The following HECW1 variants were observed in gnomAD, a reference collection of about 807,000 sequenced individuals.
HECW1 encodes HECT, C2 and WW domain containing E3 ubiquitin protein ligase 1, also known as E3 ubiquitin-protein ligase HECW1.
Under a neutral mutation model 182.3 loss-of-function variants are expected in HECW1, and 61 were observed. The observed-to-expected ratio is 0.33, with a 90% CI of 0.27 to 0.41. The LOEUF (loss-of-function observed/expected upper bound fraction) is 0.41. Ranked by LOEUF, HECW1 falls within the 10% of genes least tolerant of loss-of-function variation. The pLI is 1.00. For missense variants in HECW1, 1,739 were observed against 2,108.9 expected, an observed-to-expected ratio of 0.82 and a Z score of 3.44; for synonymous variants, 859 against 832.6, an observed-to-expected ratio of 1.03 and a Z score of -0.55.
At chr7:43,536,087 C>T in intron 24 of HECW1, among the ~76,000 whole-genome samples, 1 of 152,166 alleles carries the variant, frequency 6.6e-6, no homozygotes, top group East Asian at 1.9e-4. Context: ...ACAGAGCATG[C>T]TTTCCACACC....
At chr7:43,389,115 G>A (rs1032313602) in intron 6 of HECW1, among the ~76,000 whole-genome samples, 4 of 152,202 alleles carry the variant, frequency 2.6e-5, no homozygotes, top group African/African-American at 4.8e-5. Context: ...TAATTCTCAC[G>A]CAAGTCAGGG....
intron 5 of HECW1, among the ~76,000 whole-genome samples, chr7:43,355,219 A>G (rs1814970526): frequency 6.6e-6 from 1 of 152,196 alleles, no homozygotes; most frequent in South Asian, 2.1e-4. Flanking sequence ...ACTAGTGAGT[A>G]AAAAGGAAAC....
At chr7:43,415,798 C>A (rs2075972683) in intron 8 of HECW1, among the ~76,000 whole-genome samples, 1 of 143,194 alleles carries the variant, frequency 7.0e-6, no homozygotes, top group Admixed American at 7.1e-5. Flanking sequence ...ATCGCTGATA[C>A]CCTTTCTTCC....
At chr7:43,266,680 A>G (rs1260223466) in intron 3 of HECW1, among the ~76,000 whole-genome samples, 1 of 152,200 alleles carries the variant, frequency 6.6e-6, no homozygotes. Flanking sequence ...AGGAACAAAT[A>G]AAGACCAAAT....
chr7:43,433,717 G>C (rs935997382), intron 8 of HECW1, among the ~76,000 whole-genome samples: 2 of 152,192 alleles, frequency 1.3e-5, no homozygotes, highest in African/African-American at 4.8e-5. Context: ...AGACTCTGAT[G>C]CTCTGATGAA....
At chr7:43,284,214 T>G (rs2152749873) in intron 3 of HECW1, among the ~76,000 whole-genome samples, 1 of 152,224 alleles carries the variant, frequency 6.6e-6, no homozygotes, top group Non-Finnish European at 1.5e-5. Flanking sequence ...TAATTTTCTT[T>G]TTTAAACATT....
intron 3 of HECW1, among the ~76,000 whole-genome samples, chr7:43,299,674 C>T (rs995647131): frequency 2.0e-5 from 3 of 152,274 alleles, no homozygotes; most frequent in East Asian, 3.9e-4. Context: ...CAGTAAGTGT[C>T]GCCTGAGACG....
intron 2 of HECW1, among the ~76,000 whole-genome samples, chr7:43,229,782 T>A (rs970058581): frequency 6.6e-6 from 1 of 152,220 alleles, no homozygotes; most frequent in East Asian, 1.9e-4. Context: ...AAGATACTCA[T>A]TATTTACAAA....
intron 17 of HECW1, among the ~76,000 whole-genome samples, chr7:43,480,019 CAGGAG>C (rs982474132): frequency 6.6e-6 from 1 of 152,188 alleles, no homozygotes; most frequent in African/African-American, 2.4e-5. Flanking sequence ...AATGCACTGT[CAGGAG>C]ATCCCTACAC....
chr7:43,300,367 A>G (rs1233787814), intron 3 of HECW1, among the ~76,000 whole-genome samples: 1 of 152,142 alleles, frequency 6.6e-6, no homozygotes. Context: ...AGAGCACAAG[A>G]GTGGGCAGAG....
chr7:43,446,101 A>G lies in HECW1; in HGVS notation c.2398+531A>G, dbSNP rs1406190764. ...ACATATAGATATGTCTAGCCTACAT[A>G]TATTTGTCATTATTTATGTCCACTC... is the stretch of plus-strand genomic sequence containing the variant. On this transcript the variant is annotated intron_variant, in intron 11 of 29. Coordinates refer to ENST00000395891, the MANE Select transcript of HECW1 (RefSeq NM_015052.5). 2.0e-5 allele frequency among the ~76,000 whole-genome samples: 3 copies of G among 152,154 alleles called. No homozygotes were observed. In the East Asian group the frequency reaches 5.8e-4, roughly 29 times the overall value.
intron 8 of HECW1, among the ~76,000 whole-genome samples, chr7:43,412,189 G>T (rs2075823214): frequency 6.6e-6 from 1 of 151,848 alleles, no homozygotes; most frequent in African/African-American, 2.4e-5. Context: ...AGTTAATTTT[G>T]TACCACTTTA....
intron 5 of HECW1, among the ~76,000 whole-genome samples, chr7:43,329,871 A>G (rs1463475834): frequency 6.6e-6 from 1 of 152,170 alleles, no homozygotes; most frequent in African/African-American, 2.4e-5. Context: ...GCAGTCGTTT[A>G]CCCAGGGTGG....
At chr7:43,216,058 A>G (rs377268177) in intron 2 of HECW1, among the ~76,000 whole-genome samples, 5 of 152,180 alleles carry the variant, frequency 3.3e-5, no homozygotes, top group African/African-American at 9.7e-5. Context: ...CAGAATTCCT[A>G]TTCTGTCTGT....
chr7:43,359,530 T>G (rs531117388), intron 5 of HECW1, among the ~76,000 whole-genome samples: 12 of 152,320 alleles, frequency 7.9e-5, no homozygotes, highest in African/African-American at 2.9e-4. Flanking sequence ...TAATAAGTAA[T>G]GTTGTTTGAG....
At chr7:43,286,678 C>A (rs908670906) in intron 3 of HECW1, among the ~76,000 whole-genome samples, 2 of 152,008 alleles carry the variant, frequency 1.3e-5, no homozygotes, top group Admixed American at 6.6e-5. Flanking sequence ...TGCCACCCAC[C>A]CCCCCAAAGG....
chr7:43,461,339 A>G (rs1433677317), intron 13 of HECW1, among the ~76,000 whole-genome samples: 1 of 152,248 alleles, frequency 6.6e-6, no homozygotes, highest in African/African-American at 2.4e-5. Context: ...AAGTTCCATC[A>G]CGAACTGTTA....
intron 6 of HECW1, among the ~76,000 whole-genome samples, chr7:43,379,534 C>G (rs1216388860): frequency 6.6e-6 from 1 of 152,198 alleles, no homozygotes; most frequent in African/African-American, 2.4e-5. Flanking sequence ...CCACTCAGAA[C>G]TCTCCAGTGG....
At chr7:43,557,523 T>C (rs770794179) in intron 29 of HECW1, among the ~76,000 whole-genome samples, 1 of 152,232 alleles carries the variant, frequency 6.6e-6, no homozygotes. Flanking sequence ...GGCAGGACTG[T>C]CACTGGAGTT....
Sources: allele counts gnomAD v4.1 joint callset (sites outside exome capture counted in the v4.1 genomes callset), GRCh38; gene constraint gnomAD v4.1.1; transcripts MANE v1.5; gene names NCBI Gene and HGNC (gene_info 2026-07-23, HGNC 2026-07-21).